Variants in RNLS observed in about 807,000 individuals in gnomAD.
RNLS encodes renalase.
Under a neutral mutation model 39.8 loss-of-function variants are expected in RNLS, and 39 were observed. The observed-to-expected ratio is 0.98, with a 90% CI of 0.76 to 1.28. The LOEUF is 1.28. RNLS is among the 50% of genes most tolerant of loss of function. The probability of loss-of-function intolerance (pLI) is 0.00; values close to 1 mark genes in which losing one functional copy is unlikely to be tolerated. For missense variants in RNLS, 410 were observed against 413.3 expected (o/e 0.99, Z 0.07); for synonymous variants, 147 against 150.7 (o/e 0.98, Z 0.18).
At chr10:88,221,653 C>A in the RNLS span, among the ~76,000 whole-genome samples, 1 of 152,194 alleles carries the variant, frequency 6.6e-6, no homozygotes. Flanking sequence ...CTGCCACTAA[C>A]CTGCAAAGCG....
At chr10:88,427,771 C>T (rs1420591850) in intron 4 of RNLS, among the ~76,000 whole-genome samples, 2 of 151,984 alleles carry the variant, frequency 1.3e-5, no homozygotes, top group African/African-American at 2.4e-5. Flanking sequence ...GGATATCTTC[C>T]ATATGCTGTG....
rs1160043248 is a variant in RNLS at position 88,391,688 on chromosome 10, T to C, written c.527-28963A>G. Among the ~76,000 whole-genome samples the C allele has an allele frequency of 2.0e-5, 3 of 152,310 alleles. No homozygotes were observed. The East Asian group carries it at 5.8e-4, about 29-fold the overall frequency. Reference sequence around the variant, plus strand: ...TAATGAAAATGGCAAAATAAGGGACTCTGAAAACCCTCTCCTCCATACAAG... The same window carrying C: ...TAATGAAAATGGCAAAATAAGGGACCCTGAAAACCCTCTCCTCCATACAAG... On this transcript the variant is annotated intron_variant, in intron 4 of 6. Transcript: ENST00000331772.
At chr10:88,478,271 C>G (rs1192338040) in intron 4 of RNLS, among the ~76,000 whole-genome samples, 1 of 152,202 alleles carries the variant, frequency 6.6e-6, no homozygotes, top group Non-Finnish European at 1.5e-5. Context: ...GCGAGCCCAT[C>G]TGACTCCCCA....
At chr10:88,234,062 G>A in the RNLS span, among the ~76,000 whole-genome samples, 2 of 147,880 alleles carry the variant, frequency 1.4e-5, no homozygotes, top group East Asian at 2.0e-4. Context: ...GGAAGTGGGC[G>A]ATGGCCCTGA....
chr10:88,203,820 T>C, the RNLS span, among the ~76,000 whole-genome samples: 3 of 151,834 alleles, frequency 2.0e-5, no homozygotes, highest in Admixed American at 6.6e-5. Context: ...AGATACATGT[T>C]AGTTTTAATA....
chr10:88,326,504 T>C (rs756224136), intron 5 of RNLS, among the ~76,000 whole-genome samples: 6 of 152,260 alleles, frequency 3.9e-5, no homozygotes, highest in African/African-American at 1.2e-4. Flanking sequence ...TGGAAGAAAT[T>C]TGTAAGCAGC....
chr10:88,219,868 C>T, the RNLS span, among the ~76,000 whole-genome samples: 1 of 152,172 alleles, frequency 6.6e-6, no homozygotes, highest in African/African-American at 2.4e-5. Flanking sequence ...TGTTACTGTC[C>T]CCCTGCTCCT....
At chr10:88,187,200 T>C in the RNLS span, among the ~76,000 whole-genome samples, 2 of 51,338 alleles carry the variant, frequency 3.9e-5, no homozygotes, top group Non-Finnish European at 7.8e-5. Context: ...ATATATAATA[T>C]ATATATAATA....
chr10:88,202,739 G>T, the RNLS span, among the ~76,000 whole-genome samples: 1 of 152,224 alleles, frequency 6.6e-6, no homozygotes, highest in Non-Finnish European at 1.5e-5. Flanking sequence ...ATTCGGGCAG[G>T]TTCCTGCATT....
chr10:88,427,090 A>G (rs1329349153), intron 4 of RNLS, among the ~76,000 whole-genome samples: 1 of 152,058 alleles, frequency 6.6e-6, no homozygotes, highest in African/African-American at 2.4e-5. Context: ...CCATTTTGCA[A>G]AAAGAAAATT....
intron 4 of RNLS, among the ~76,000 whole-genome samples, chr10:88,521,062 C>T (rs1404867978): frequency 1.3e-5 from 2 of 151,914 alleles, no homozygotes; most frequent in African/African-American, 4.8e-5. Flanking sequence ...TCTTCTGGTT[C>T]GAATCTTAAT....
chr10:88,323,232 A>C (rs1846313699), intron 5 of RNLS, among the ~76,000 whole-genome samples: 1 of 152,158 alleles, frequency 6.6e-6, no homozygotes, highest in Non-Finnish European at 1.5e-5. Flanking sequence ...AGATTCAGTG[A>C]AGTTCCTACC....
At chr10:88,393,764 G>A (rs1429675142) in intron 4 of RNLS, among the ~76,000 whole-genome samples, 1 of 152,208 alleles carries the variant, frequency 6.6e-6, no homozygotes, top group African/African-American at 2.4e-5. Context: ...GACAAAGCTG[G>A]AGGCATCACG....
At chr10:88,395,315 C>T (rs1345305610) in intron 4 of RNLS, among the ~76,000 whole-genome samples, 1 of 149,672 alleles carries the variant, frequency 6.7e-6, no homozygotes. Context: ...ATTTTAGTTG[C>T]ATTCAAAGAA....
At chr10:88,227,510 T>C in the RNLS span, among the ~76,000 whole-genome samples, 1 of 152,200 alleles carries the variant, frequency 6.6e-6, no homozygotes, top group Non-Finnish European at 1.5e-5. Context: ...AGCAGATGTG[T>C]GGCTCAAAGT....
chr10:88,201,694 CA>C, the RNLS span, among the ~76,000 whole-genome samples: 132,107 of 147,212 alleles, frequency 0.9, 59,299 homozygotes, highest in Middle Eastern at 0.94. Flanking sequence ...AATTGTGAGC[CA>C]AAAAAAAAAA....
At chr10:88,342,827 A>C (rs1344491279) in intron 5 of RNLS, among the ~76,000 whole-genome samples, 1 of 152,112 alleles carries the variant, frequency 6.6e-6, no homozygotes, top group African/African-American at 2.4e-5. Context: ...AGAGCTAAGG[A>C]GTGAGGAGAT....
intron 6 of RNLS, among the ~76,000 whole-genome samples, chr10:88,277,570 A>T (rs1842858032): frequency 6.6e-6 from 1 of 152,210 alleles, no homozygotes; most frequent in Admixed American, 6.5e-5. Context: ...GGCATACAGA[A>T]GAGTTATTGA....
chr10:88,238,880 G>A, the RNLS span, among the ~76,000 whole-genome samples: 2 of 152,168 alleles, frequency 1.3e-5, no homozygotes, highest in Non-Finnish European at 2.9e-5. Flanking sequence ...GAAGCTTGAG[G>A]TGGCTGTTAA....
Sources: gnomAD v4.1 joint callset for allele counts (sites outside exome capture counted in the v4.1 genomes callset) on GRCh38, gnomAD v4.1.1 for gene constraint, MANE v1.5 for transcripts, NCBI Gene and HGNC (gene_info 2026-07-23, HGNC 2026-07-21) for gene names.